The following ATP2B4 variants were observed in gnomAD, a reference collection of about 807,000 sequenced individuals.
ATP2B4 encodes plasma membrane calcium-transporting ATPase 4.
Under a neutral mutation model 110.3 loss-of-function variants are expected in ATP2B4, and 39 were observed. The ratio of observed to expected loss-of-function variants is 0.35; its 90% CI spans 0.27 to 0.46. ATP2B4 has a LOEUF of 0.46. Ranked by LOEUF, ATP2B4 falls within the 20% of genes least tolerant of loss-of-function variation. The pLI is 1.00. For missense variants in ATP2B4, 1,135 were observed against 1,530.9 expected (o/e 0.74, Z 4.32); for synonymous variants, 538 against 571.7 (o/e 0.94, Z 0.84).
chr1:203,643,839 T>A (rs559163189), intron 1 of ATP2B4, among the ~76,000 whole-genome samples: 1 of 152,332 alleles, frequency 6.6e-6, no homozygotes, highest in African/African-American at 2.4e-5. Flanking sequence ...CTGCAGCGTT[T>A]TCACTGAGCC....
chr1:203,640,487 T>G (rs965281268), intron 1 of ATP2B4, among the ~76,000 whole-genome samples: 2 of 152,012 alleles, frequency 1.3e-5, no homozygotes, highest in Admixed American at 1.3e-4. Context: ...CCAGCTAATT[T>G]TTTTTTTTTG....
chr1:203,672,679 G>A (rs368335190), intron 1 of ATP2B4, among the ~76,000 whole-genome samples: 4 of 152,256 alleles, frequency 2.6e-5, no homozygotes, highest in East Asian at 1.9e-4. Flanking sequence ...ACCAGGGGCA[G>A]TAATGTTTTG....
At position 203,723,392 on chromosome 1, in the gene ATP2B4, GTTTT is replaced by G. The variant is rs10593701; in HGVS notation, c.3025-479_3025-476del. On this transcript the variant is annotated intron_variant, in intron 18 of 20. Coordinates refer to ENST00000357681, the MANE Select transcript of ATP2B4 (RefSeq NM_001684.5). ...ATTACGCCTGCCATTTTTTCTTTTT[GTTTT>G]TTTTTTTTTCGTTTGAGACAGATAT... 4.8e-5 allele frequency among the ~76,000 whole-genome samples: 6 copies of G among 123,784 alleles called. No individual in the cohort carries two copies. In the East Asian group the frequency reaches 1.2e-3, roughly 25 times the overall value. The allele number at this position is 123,784 out of a possible 152,430, so 81.2% of individuals were successfully genotyped here. A position where few individuals can be genotyped will look rare whatever the true frequency, so the allele number is the denominator to read the frequency against.
chr1:203,707,085 A>G lies in ATP2B4; in HGVS notation c.1176A>G (p.Arg392=). ...TTGACAACTTTGTGATAAATCGCAG[A>G]CCATGGCTCCCTGAGTGTACTCCCA... ...FVIDNFVINR[R]PWLPECTPIY... Residue 392 remains arginine (R), a synonymous_variant, in exon 9 of 21, where the codon AGA becomes AGG. Coordinates refer to ENST00000357681, the MANE Select transcript of ATP2B4 (RefSeq NM_001684.5). The G allele has an allele frequency of 1.2e-6, 2 of 1,614,100 alleles. No individual in the cohort carries two copies. The highest frequency in any genetic ancestry group is 1.1e-5 in the South Asian group (1 of 91,082).
At chr1:203,628,995 G>A (rs1417862626) in intron 1 of ATP2B4, among the ~76,000 whole-genome samples, 1 of 152,182 alleles carries the variant, frequency 6.6e-6, no homozygotes, top group East Asian at 1.9e-4. Flanking sequence ...GGCTGGGGGA[G>A]AGGAAACACC....
At chr1:203,725,904 C>CTTTTTTTTTTTTT (rs756184004) in intron 19 of ATP2B4, among the ~76,000 whole-genome samples, 14 of 93,380 alleles carry the variant, frequency 1.5e-4, no homozygotes, top group South Asian at 4.2e-4. Flanking sequence ...CTTTTCTTTT[C>CTTTTTTTTTTTTT]TTTTTTTTTT....
intron 7 of ATP2B4, among the ~76,000 whole-genome samples, chr1:203,702,961 T>C (rs1665736121): frequency 6.6e-6 from 1 of 152,234 alleles, no homozygotes; most frequent in South Asian, 2.1e-4. Flanking sequence ...TGTCTCTCTT[T>C]ATCCCTGCTT....
intron 1 of ATP2B4, among the ~76,000 whole-genome samples, chr1:203,644,880 G>A (rs754168166): frequency 3.9e-5 from 6 of 152,274 alleles, no homozygotes; most frequent in Middle Eastern, 3.4e-3. Flanking sequence ...GAGCTTGTGC[G>A]GCTCCCTGCA....
intron 1 of ATP2B4, among the ~76,000 whole-genome samples, chr1:203,636,003 T>G (rs1421504203): frequency 6.6e-6 from 1 of 151,428 alleles, no homozygotes; most frequent in Admixed American, 6.6e-5. Flanking sequence ...CAAAGGGAGG[T>G]AGGATGACAG....
intron 1 of ATP2B4, among the ~76,000 whole-genome samples, chr1:203,634,661 C>CTTTGTTTG (rs1035378240): frequency 1.3e-5 from 2 of 152,010 alleles, no homozygotes; most frequent in South Asian, 4.1e-4. Flanking sequence ...AAATGCATCT[C>CTTTGTTTG]TTTGTTTGTT....
intron 2 of ATP2B4, among the ~76,000 whole-genome samples, chr1:203,687,789 G>T (rs537315364): frequency 2.6e-5 from 4 of 151,916 alleles, no homozygotes; most frequent in African/African-American, 9.7e-5. Flanking sequence ...ATCTCTTTTG[G>T]CTGGCCGCAG....
At chr1:203,698,434 T>G in intron 3 of ATP2B4, 80 bp downstream of exon 3, 2 of 1,450,862 alleles carry the variant, frequency 1.4e-6, no homozygotes, top group South Asian at 1.2e-5. Context: ...TATTGGTGGC[T>G]GACAGGTTAT....
At chr1:203,715,350 CG>C (rs978091452) in intron 15 of ATP2B4, among the ~76,000 whole-genome samples, 1 of 142,636 alleles carries the variant, frequency 7.0e-6, no homozygotes, top group Non-Finnish European at 1.6e-5. Flanking sequence ...GTCAGGAGTT[CG>C]AGACCAGTCT....
chr1:203,650,816 TACTCCC>T (rs1193825737), intron 1 of ATP2B4, among the ~76,000 whole-genome samples: 1 of 152,270 alleles, frequency 6.6e-6, no homozygotes, highest in East Asian at 1.9e-4. Flanking sequence ...CCCCTCACTG[TACTCCC>T]ACTCTCATCC....
intron 1 of ATP2B4, among the ~76,000 whole-genome samples, chr1:203,661,493 C>T (rs1330854815): frequency 6.6e-6 from 1 of 152,198 alleles, no homozygotes; most frequent in African/African-American, 2.4e-5. Context: ...AAAGCCTTAG[C>T]TGTACCTGCT....
intron 20 of ATP2B4, among the ~76,000 whole-genome samples, chr1:203,731,381 T>G (rs539231399): frequency 6.6e-6 from 1 of 152,234 alleles, no homozygotes; most frequent in South Asian, 2.1e-4. Context: ...AATCAGCACC[T>G]TTCCTTCATT....
At position 203,702,034 on chromosome 1, in the gene ATP2B4, G is replaced by A. The variant is rs1444398865; in HGVS notation, c.902-10G>A. The A allele has an allele frequency of 1.2e-6, 2 of 1,613,480 alleles. No homozygotes were observed. Among genetic ancestry groups the A allele is most frequent in the Non-Finnish European group, 1.7e-6 (2 of 1,179,854 alleles). On this transcript the variant is annotated splice_polypyrimidine_tract_variant and intron_variant, in intron 6 of 20. Transcript: ENST00000357681. ...TTTCGACCCCACTTTTTTCTTTCTTGTTCAAACAGGTAAAAAACAAGGAGT... is the reference window on the plus strand; with the variant it reads ...TTTCGACCCCACTTTTTTCTTTCTTATTCAAACAGGTAAAAAACAAGGAGT...
At chr1:203,725,904 C>T (rs200086790) in intron 19 of ATP2B4, among the ~76,000 whole-genome samples, 20 of 93,384 alleles carry the variant, frequency 2.1e-4, no homozygotes, top group Admixed American at 4.6e-4. Flanking sequence ...CTTTTCTTTT[C>T]TTTTTTTTTT....
chr1:203,688,488 G>C (rs970894771), intron 2 of ATP2B4, among the ~76,000 whole-genome samples: 1 of 150,646 alleles, frequency 6.6e-6, no homozygotes, highest in African/African-American at 2.4e-5. Flanking sequence ...TTTTTGTAGA[G>C]ACAGGGTCTC....
Sources: allele counts gnomAD v4.1 joint callset (sites outside exome capture counted in the v4.1 genomes callset), GRCh38; gene constraint gnomAD v4.1.1; transcripts MANE v1.5; gene names NCBI Gene and HGNC (gene_info 2026-07-23, HGNC 2026-07-21).